The following ADAD2 variants were observed in gnomAD, a reference collection of about 807,000 sequenced individuals.
The protein encoded by ADAD2 is adenosine deaminase domain containing 2.
A neutral mutation model predicts 54.5 loss-of-function variants in ADAD2; 60 were observed. The ratio of observed to expected loss-of-function variants is 1.10; its 90% CI spans 0.89 to 1.36. The LOEUF (loss-of-function observed/expected upper bound fraction) is 1.36, where lower values mean the gene tolerates loss of function less well. Among genes scored for constraint, ADAD2 ranks in the 40% most tolerant of loss-of-function variants. The pLI is 0.00. For synonymous variants in ADAD2, 543 were observed against 366.2 expected (o/e 1.48, Z -5.51); for missense variants, 1,103 against 801.3 (o/e 1.38, Z -4.54).
In ADAD2 at chr16:84,196,981, C is replaced by G. The variant is rs767739318; in HGVS notation, c.*7C>G. 3.2e-6 allele frequency: 5 copies of G among 1,586,468 alleles called. No individual in the cohort carries two copies. The African/African-American group carries it at 6.7e-5, about 21-fold the overall frequency. On this transcript the variant is annotated 3_prime_UTR_variant, in exon 10 of 10. Transcript: ENST00000315906. ...GGGCAAATTCAGAAACTGAAGCCAG[C>G]CTCGGCGGGACCGAGGTCCCGGAGC...
rs766206664 is a variant in ADAD2 at position 84,191,387 on chromosome 16, C to T, written c.157C>T (p.Arg53Cys). 3.2e-5 allele frequency: 48 copies of T among 1,510,022 alleles called. No individual in the cohort carries two copies. The highest frequency in any genetic ancestry group is 3.6e-5 in the Non-Finnish European group (41 of 1,134,276). 93.5% of individuals were successfully genotyped at this position (1,510,022 alleles called of 1,614,324 possible). A position where few individuals can be genotyped will look rare whatever the true frequency, so the allele number is the denominator to read the frequency against. Residue 53 changes from arginine (R) to cysteine (C), a missense_variant, in exon 1 of 10, where the codon CGC becomes TGC. Arg to Cys is a radical substitution (Grantham distance 180). Transcript: ENST00000315906. ...GCCCGCGCCCGCGCCCGCGACGTAT[C>T]GCGCGGAGGGCGGGTGGCCCCAGGT... ...WGPAPAPATY[R>C]AEGGWPQVSV...
At position 84,195,017 on chromosome 16, in the gene ADAD2, G is replaced by T. The variant is rs776555674; in HGVS notation, c.607+37G>T. ...TTCCCGGACCCAGGCTTGTAGTGTC[G>T]AGGGGAGAGGCGTGGGCCCCCTTCT... is the stretch of plus-strand genomic sequence containing the variant. On this transcript the variant is annotated intron_variant, in intron 3 of 9. Coordinates refer to ENST00000315906, the MANE Select transcript of ADAD2 (RefSeq NM_001145400.2). 6.3e-5 allele frequency: 102 copies of T among 1,612,482 alleles called. No homozygotes were observed. In the South Asian group the frequency reaches 9.9e-4, roughly 16 times the overall value.
At position 84,195,431 on chromosome 16, in the gene ADAD2, G is replaced by T. The variant is rs908084172; in HGVS notation, c.869G>T (p.Arg290Leu). ...LHDCHGLVIARRALLRFLFRQ... is the reference protein window; with the variant it reads ...LHDCHGLVIALRALLRFLFRQ... Reference sequence around the variant, plus strand: ...GACTGCCATGGCCTGGTCATCGCCCGCAGGGCCCTGCTGAGGTGAGGGGCA... The same window carrying T: ...GACTGCCATGGCCTGGTCATCGCCCTCAGGGCCCTGCTGAGGTGAGGGGCA... The change falls in exon 5 of 10, where the codon CGC becomes CTC. Residue 290 changes from arginine (R) to leucine (L), a missense_variant. Arg to Leu is a moderately radical substitution (Grantham distance 102, BLOSUM62 -2). Coordinates refer to ENST00000315906, the MANE Select transcript of ADAD2 (RefSeq NM_001145400.2). The T allele has an allele frequency of 5.0e-6, 8 of 1,609,282 alleles. No individual in the cohort carries two copies. The Admixed American group carries it at 1.0e-4, about 20-fold the overall frequency.
At position 84,191,515 on chromosome 16, in the gene ADAD2, G is replaced by A. The variant is rs577200150; in HGVS notation, c.285G>A (p.Pro95=). 5.2e-6 allele frequency: 8 copies of A among 1,545,038 alleles called. No homozygotes were observed. Among genetic ancestry groups the A allele is most frequent in the Non-Finnish European group, 7.0e-6 (8 of 1,146,438 alleles). ...ENLGEQMGKA[P]RVPVPPAGLS... ...TGGGGGAACAGATGGGGAAGGCCCC[G>A]AGGGTCCCTGTGCCCCCAGCAGGGC... Residue 95 remains proline (P), a synonymous_variant, in exon 1 of 10, where the codon CCG becomes CCA. Transcript: ENST00000315906.
In ADAD2 at chr16:84,195,856, C is replaced by A. The variant is rs777631847; in HGVS notation, c.1094C>A (p.Pro365His). 1 of 1,607,018 alleles carries A rather than the reference C, an allele frequency of 6.2e-7. No individual in the cohort carries two copies. Among genetic ancestry groups the A allele is most frequent in the East Asian group, 2.2e-5 (1 of 44,808 alleles). ...TSEGGLPHSPPMRLQAHVLGQ... is the reference protein window; with the variant it reads ...TSEGGLPHSPHMRLQAHVLGQ... Reference sequence around the variant, plus strand: ...GAAGGTGGCCTCCCGCACAGCCCACCCATGCGCCTGCAGGCCCATGTGCTC... The same window carrying A: ...GAAGGTGGCCTCCCGCACAGCCCACACATGCGCCTGCAGGCCCATGTGCTC... Residue 365 changes from proline to histidine, a missense_variant, in exon 7 of 10, where the codon CCC becomes CAC. Transcript: ENST00000315906.
chr16:84,194,859 G>T (rs898350263), intron 2 of ADAD2, 74 bp from the exon 3 acceptor site: 8 of 1,490,036 alleles, frequency 5.4e-6, no homozygotes, highest in Admixed American at 4.2e-5. Flanking sequence ...TCCTCTCCCC[G>T]CCTCCTTGGC....
At position 84,196,858 on chromosome 16, in the gene ADAD2, C is replaced by G. The variant is rs989181547; in HGVS notation, c.1648-12C>G. ...TACCTCCTCTCACCCCACCTCTCATCTCCCGCCCTAGGCTGGGCCCTACCA... is the reference window on the plus strand; with the variant it reads ...TACCTCCTCTCACCCCACCTCTCATGTCCCGCCCTAGGCTGGGCCCTACCA... On this transcript the variant is annotated splice_polypyrimidine_tract_variant and intron_variant, in intron 9 of 9. Transcript: ENST00000315906. The G allele has an allele frequency of 6.3e-7, 1 of 1,590,318 alleles. No individual in the cohort carries two copies. Among genetic ancestry groups the G allele is most frequent in the Non-Finnish European group, 8.6e-7 (1 of 1,166,604 alleles).
In ADAD2 at chr16:84,194,548, C is replaced by A; in HGVS notation, c.525C>A (p.Ala175=). ...CCAAACAGCAGGCAGCGCTCTCTGC[C>A]CTCTGCTACATCCGGAGTCAGCTGG... ...TEAKQQAALS[A]LCYIRSQLEN... Residue 175 remains alanine (A), a synonymous_variant, in exon 2 of 10, where the codon GCC becomes GCA. Coordinates refer to ENST00000315906, the MANE Select transcript of ADAD2 (RefSeq NM_001145400.2). The A allele has an allele frequency of 6.2e-7, 1 of 1,609,266 alleles. No homozygotes were observed.
chr16:84,194,788 G>A (rs555036870), intron 2 of ADAD2, 145 bp from the exon 3 acceptor site: 153 of 1,260,158 alleles, frequency 1.2e-4, no homozygotes, highest in Middle Eastern at 1.1e-3. Context: ...TGGGGACACC[G>A]GGGGTAGGGA....
chr16:84,195,590 C>A lies in ADAD2; in HGVS notation c.945C>A (p.Ser315=), dbSNP rs1316513805. ...TQGGPKGKEQ[S]VLAPQPGPGP... ...GGGGCCCCAAGGGCAAGGAGCAGTC[C>A]GTGCTGGCCCCCCAGCCAGGGCCCG... The change falls in exon 6 of 10, where the codon TCC becomes TCA. Residue 315 remains serine, a synonymous_variant. Transcript: ENST00000315906. 18 of 1,603,806 alleles carry A rather than the reference C, an allele frequency of 1.1e-5. No individual in the cohort carries two copies. Among genetic ancestry groups the A allele is most frequent in the Non-Finnish European group, 1.5e-5 (18 of 1,175,554 alleles).
intron 8 of ADAD2, 113 bp downstream of exon 8, chr16:84,196,483 T>C: frequency 3.3e-6 from 2 of 607,208 alleles, no homozygotes; most frequent in Non-Finnish European, 4.6e-6. Flanking sequence ...CTCAACCCCT[T>C]CGCTCAACCC....
At position 84,191,577 on chromosome 16, in the gene ADAD2, C is replaced by T; in HGVS notation, c.347C>T (p.Ala116Val). ...LPLKDPPASQ[A>V]VSLLTEYAAS... ...CTCAAAGACCCACCTGCCAGCCAGG[C>T]CGTGTCCTTGCTCACGGAGTACGCG... is the stretch of plus-strand genomic sequence containing the variant. The change falls in exon 1 of 10, where the codon GCC (alanine) becomes GTC (valine). Residue 116 changes from alanine to valine, a missense_variant. By Grantham distance (64) the Ala-to-Val change is moderately conservative. Coordinates refer to ENST00000315906, the MANE Select transcript of ADAD2 (RefSeq NM_001145400.2). 1 of 1,549,616 alleles carries T rather than the reference C, an allele frequency of 6.5e-7. No homozygotes were observed.
chr16:84,196,471 C>T (rs2089732273), intron 8 of ADAD2, 101 bp downstream of exon 8: 1 of 693,378 alleles, frequency 1.4e-6, no homozygotes, highest in African/African-American at 6.8e-5. Flanking sequence ...GCAACCCCTT[C>T]GCTCAACCCC....
rs2089725180 is a variant in ADAD2, at chr16:84,196,025, C to T, written c.1263C>T (p.Tyr421=). 3 of 1,599,182 alleles carry T rather than the reference C, an allele frequency of 1.9e-6. No individual in the cohort carries two copies. Among genetic ancestry groups the T allele is most frequent in the Non-Finnish European group, 1.7e-6 (2 of 1,179,798 alleles). The part of the protein sequence containing the change: ...ALLAHLVSPL[Y]STSLILADSC... ...TGGCCCACCTGGTGTCCCCACTCTA[C>T]AGCACCAGCCTCATCCTGGGTGAGC... The change falls in exon 7 of 10, where the codon TAC becomes TAT. Residue 421 remains tyrosine, a synonymous_variant. Coordinates refer to ENST00000315906, the MANE Select transcript of ADAD2 (RefSeq NM_001145400.2).
Position 84,197,022 on chromosome 16 carries a change from C to T in ADAD2, c.*48C>T. ...GTCCCGGAGCCAAGCTGTACCCCTG[C>T]TGGGGGAGTGCCCTATCTGAGGAGC... On this transcript the variant is annotated 3_prime_UTR_variant, in exon 10 of 10. Transcript: ENST00000315906. 2 of 1,530,100 alleles carry T rather than the reference C, an allele frequency of 1.3e-6. No individual in the cohort carries two copies. The highest frequency in any genetic ancestry group is 1.4e-5 in the African/African-American group (1 of 73,040). 94.8% of individuals were successfully genotyped at this position (1,530,100 alleles called of 1,614,324 possible).
intron 3 of ADAD2, 22 bp from the exon 4 acceptor site, chr16:84,195,047 G>T: frequency 6.2e-7 from 1 of 1,612,570 alleles, no homozygotes; most frequent in Non-Finnish European, 8.5e-7. Flanking sequence ...CCTTCTACCT[G>T]CAGTCTCTCG....
rs1050050055 is a variant in ADAD2, at chr16:84,196,653, C to T, written c.1533C>T (p.Ala511=). 1.9e-6 allele frequency: 3 copies of T among 1,613,276 alleles called. No homozygotes were observed. The highest frequency in any genetic ancestry group is 2.5e-6 in the Non-Finnish European group (3 of 1,179,932). Residue 511 remains alanine (A), a synonymous_variant, in exon 9 of 10, where the codon GCC becomes GCT. Coordinates refer to ENST00000315906, the MANE Select transcript of ADAD2 (RefSeq NM_001145400.2). The part of the protein sequence containing the change: ...VATGRVKANA[A]LGPPSRLCKA... ...GTATCCTCTCTTCATCCAGTGCCGC[C>T]CTGGGGCCTCCCTCCCGTCTCTGCA...
Position 84,191,229 on chromosome 16 carries a change from C to T in ADAD2, c.-2C>T. 1.9e-6 allele frequency: 3 copies of T among 1,606,870 alleles called. No homozygotes were observed. The highest frequency in any genetic ancestry group is 1.1e-5 in the South Asian group (1 of 90,884). On this transcript the variant is annotated 5_prime_UTR_variant, in exon 1 of 10. Coordinates refer to ENST00000315906, the MANE Select transcript of ADAD2 (RefSeq NM_001145400.2). Reference sequence around the variant, plus strand: ...TAGCGCCTCAGATCTTCGTTGGCGGCCATGGCTTCGGCTTCTCAGGGCGCT... The same window carrying T: ...TAGCGCCTCAGATCTTCGTTGGCGGTCATGGCTTCGGCTTCTCAGGGCGCT...
At position 84,196,944 on chromosome 16, in the gene ADAD2, G is replaced by C. The variant is rs776276942; in HGVS notation, c.1722G>C (p.Ser574=). 2 of 1,604,156 alleles carry C rather than the reference G, an allele frequency of 1.2e-6. No homozygotes were observed. The highest frequency in any genetic ancestry group is 8.5e-7 in the Non-Finnish European group (1 of 1,176,708). The change falls in exon 10 of 10, where the codon TCG becomes TCC. Residue 574 remains serine (S), a synonymous_variant. Transcript: ENST00000315906. ...AGCAGGGCCTGGGGGCTTGGCCCTCGAAGCCACTGGTGGGCAAATTCAGAA... is the reference window on the plus strand; with the variant it reads ...AGCAGGGCCTGGGGGCTTGGCCCTCCAAGCCACTGGTGGGCAAATTCAGAA... ...LDQQGLGAWP[S]KPLVGKFRN
Sources: allele counts gnomAD v4.1 joint callset, GRCh38; gene constraint gnomAD v4.1.1; transcripts MANE v1.5; gene names NCBI Gene and HGNC (gene_info 2026-07-23, HGNC 2026-07-21).